PRKN: variants seen among roughly 807,000 people sequenced by gnomAD.
PRKN encodes the protein E3 ubiquitin-protein ligase parkin.
A neutral mutation model predicts 59.5 loss-of-function variants in PRKN; 56 were observed. That is an observed-to-expected ratio of 0.94 (90% CI 0.76 to 1.18). The LOEUF (loss-of-function observed/expected upper bound fraction) is 1.18. Among genes scored for constraint, PRKN ranks in the 50% most tolerant of loss-of-function variants. PRKN has a pLI of 0.00. For synonymous variants in PRKN, 250 were observed against 222.1 expected (o/e 1.13, Z -1.12); for missense variants, 657 against 596.4 (o/e 1.10, Z -1.06).
intron 2 of PRKN, among the ~76,000 whole-genome samples, chr6:162,378,457 A>G (rs567149994): frequency 6.6e-6 from 1 of 152,366 alleles, no homozygotes; most frequent in African/African-American, 2.4e-5. Context: ...CTGAACACCC[A>G]CAGGCCAACG....
chr6:162,415,574 C>T (rs145295622), intron 2 of PRKN, among the ~76,000 whole-genome samples: 1 of 152,204 alleles, frequency 6.6e-6, no homozygotes, highest in Non-Finnish European at 1.5e-5. Context: ...AATCCCAGCA[C>T]TTTGGGAGGG....
intron 7 of PRKN, among the ~76,000 whole-genome samples, chr6:161,773,628 G>A (rs1356059223): frequency 1.3e-5 from 2 of 152,096 alleles, no homozygotes; most frequent in African/African-American, 4.8e-5. Flanking sequence ...ACATTTCTTT[G>A]CATAAGTAAT....
chr6:162,021,110 AAAC>A (rs538245361), intron 5 of PRKN, among the ~76,000 whole-genome samples: 9 of 94,196 alleles, frequency 9.6e-5, no homozygotes, highest in Non-Finnish European at 1.8e-4. Flanking sequence ...CTCAAAAAAA[AAAC>A]AAAAACATAT....
At chr6:161,924,255 G>T (rs1242122378) in intron 6 of PRKN, among the ~76,000 whole-genome samples, 1 of 151,886 alleles carries the variant, frequency 6.6e-6, no homozygotes, top group African/African-American at 2.4e-5. Flanking sequence ...TCACTTCTCG[G>T]GCCTCATCTT....
chr6:161,631,391 A>T (rs1226951478), intron 7 of PRKN, among the ~76,000 whole-genome samples: 1 of 152,236 alleles, frequency 6.6e-6, no homozygotes, highest in East Asian at 1.9e-4. Flanking sequence ...CAAGTAGCTC[A>T]GTCAGACTGG....
At chr6:162,202,379 T>A (rs114942060) in intron 3 of PRKN, among the ~76,000 whole-genome samples, 2,051 of 152,302 alleles carry the variant, frequency 0.013, 34 homozygotes, top group African/African-American at 0.037. Context: ...TGTTTAGCTA[T>A]CTTTCCTAAT....
At chr6:162,385,156 A>G (rs1217036223) in intron 2 of PRKN, among the ~76,000 whole-genome samples, 1 of 152,210 alleles carries the variant, frequency 6.6e-6, no homozygotes, top group Non-Finnish European at 1.5e-5. Context: ...AACTCACATG[A>G]AAGTGAAATA....
At chr6:161,851,755 T>C (rs1015233659) in intron 6 of PRKN, among the ~76,000 whole-genome samples, 4 of 148,994 alleles carry the variant, frequency 2.7e-5, no homozygotes, top group African/African-American at 2.4e-5. Flanking sequence ...GGATTACAGG[T>C]GTGAGTCACC....
At chr6:162,700,289 T>G (rs1429533276) in intron 1 of PRKN, among the ~76,000 whole-genome samples, 1 of 152,198 alleles carries the variant, frequency 6.6e-6, no homozygotes, top group Admixed American at 6.5e-5. Context: ...AAAGAAGCTT[T>G]GTCCCCATAC....
intron 9 of PRKN, among the ~76,000 whole-genome samples, chr6:161,485,323 T>C (rs1376547025): frequency 6.6e-6 from 1 of 152,192 alleles, no homozygotes; most frequent in Non-Finnish European, 1.5e-5. Context: ...CATCAAATGA[T>C]TCCTGTAATG....
At chr6:161,661,513 C>T (rs1172546471) in intron 7 of PRKN, among the ~76,000 whole-genome samples, 1 of 151,818 alleles carries the variant, frequency 6.6e-6, no homozygotes, top group African/African-American at 2.4e-5. Context: ...CAGGAACTCC[C>T]TTCCCCACCA....
chr6:162,302,081 TTCC>T (rs1413015152), intron 2 of PRKN, among the ~76,000 whole-genome samples: 1 of 152,168 alleles, frequency 6.6e-6, no homozygotes, highest in Non-Finnish European at 1.5e-5. Context: ...TATTCCTGTC[TTCC>T]TCATTTCTCC....
At chr6:162,081,956 T>G (rs1779077512) in intron 4 of PRKN, among the ~76,000 whole-genome samples, 1 of 152,142 alleles carries the variant, frequency 6.6e-6, no homozygotes, top group Non-Finnish European at 1.5e-5. Context: ...CTTCTTTCCT[T>G]AAACCTCATG....
intron 2 of PRKN, among the ~76,000 whole-genome samples, chr6:162,408,043 C>A (rs758555091): frequency 2.1e-4 from 32 of 152,060 alleles, no homozygotes; most frequent in Non-Finnish European, 4.1e-4. Context: ...ATATCTACAT[C>A]TTTTCAATTT....
Position 161,549,829 on chromosome 6 carries a change from T to C in PRKN, c.934-826A>G, listed in dbSNP as rs1779935052. Among the ~76,000 whole-genome samples the C allele has an allele frequency of 6.6e-6, 1 of 152,154 alleles. No homozygotes were observed. The highest frequency in any genetic ancestry group is 1.5e-5 in the Non-Finnish European group (1 of 68,032). On this transcript the variant is annotated intron_variant, in intron 8 of 11. Coordinates refer to ENST00000366898, the MANE Select transcript of PRKN (RefSeq NM_004562.3). This position sits in a 1 kb window ranked among gnomAD's most constrained non-coding sequence, Gnocchi z 6.0. ...ATTGAGAGCCTACTACATTCCAGAC[T>C]CTATCGAGGCGCTGGGGATACAGCA... is the stretch of plus-strand genomic sequence containing the variant.
At chr6:161,980,826 C>A (rs1002015594) in intron 5 of PRKN, among the ~76,000 whole-genome samples, 1 of 152,166 alleles carries the variant, frequency 6.6e-6, no homozygotes, top group African/African-American at 2.4e-5. Context: ...TGCACCACCA[C>A]GAGGTGGACC....
chr6:161,466,421 C>T lies in PRKN; in HGVS notation c.1084-79544G>A, dbSNP rs186219987. On this transcript the variant is annotated intron_variant, in intron 9 of 11. Transcript: ENST00000366898. The surrounding 1 kb of genome is among the most constrained non-coding windows in gnomAD (Gnocchi z 5.0). ...GCTGTTTGGCTTGTTCTTTTTGTTA[C>T]GGTAGAAATCTAGAAAATAGTTTTA... Among the ~76,000 whole-genome samples, 26 of 152,192 alleles carry T rather than the reference C, an allele frequency of 1.7e-4. No individual in the cohort carries two copies. The East Asian group carries it at 2.3e-3, about 14-fold the overall frequency.
intron 6 of PRKN, among the ~76,000 whole-genome samples, chr6:161,963,366 C>T (rs561046298): frequency 1.3e-5 from 2 of 152,354 alleles, no homozygotes; most frequent in East Asian, 3.9e-4. Flanking sequence ...CATGCACAAG[C>T]ACCTGTGACA....
chr6:162,198,006 T>C (rs905397485), intron 4 of PRKN, among the ~76,000 whole-genome samples: 6 of 151,962 alleles, frequency 3.9e-5, no homozygotes, highest in Non-Finnish European at 8.8e-5. Context: ...GACACTTTGG[T>C]AGAATGAAGG....
Sources: gnomAD v4.1 joint callset for allele counts (sites outside exome capture counted in the v4.1 genomes callset) on GRCh38, gnomAD v4.1.1 for gene constraint, Gnocchi (gnomAD v3.1) non-coding constraint, MANE v1.5 for transcripts, NCBI Gene and HGNC (gene_info 2026-07-23, HGNC 2026-07-21) for gene names.